PCDHA8: variants seen among roughly 807,000 people sequenced by gnomAD.
PCDHA8 encodes protocadherin alpha 8.
In PCDHA8, 53 loss-of-function variants were observed where a neutral mutation model predicts 61.8. The observed-to-expected ratio is 0.86, with a 90% confidence interval of 0.69 to 1.08. The LOEUF is 1.08. Among genes scored for constraint, PCDHA8 ranks in the 50% least tolerant of loss-of-function variants. The pLI is 0.00. For missense variants in PCDHA8, 1,293 were observed against 1,245.0 expected (o/e 1.04, Z -0.58); for synonymous variants, 618 against 556.6 (o/e 1.11, Z -1.55).
intron 1 of PCDHA8, among the ~76,000 whole-genome samples, chr5:140,958,893 A>G (rs1332305633): frequency 2.6e-5 from 4 of 152,002 alleles, no homozygotes; most frequent in African/African-American, 9.7e-5. Flanking sequence ...TAGCTATATA[A>G]TAGATACAGA....
In PCDHA8 at chr5:141,009,849, C is replaced by G; in HGVS notation, c.2765C>G (p.Thr922Ser). The change falls in exon 4 of 4, where the codon ACC (threonine) becomes AGC (serine). Residue 922 changes from threonine (T) to serine (S), a missense_variant. Physicochemically the swap from Thr to Ser is moderately conservative, Grantham distance 58. Coordinates refer to ENST00000531613, the MANE Select transcript of PCDHA8 (RefSeq NM_018911.3). ...ATAACCTTCGGCAAAAAGGAGGAGA[C>G]CAAGAAAAAGAAGAAAAAGAAGAAG... ...DFITFGKKEE[T>S]KKKKKKKKGN... 1 of 1,613,364 alleles carries G rather than the reference C, an allele frequency of 6.2e-7. No homozygotes were observed. The highest frequency in any genetic ancestry group is 8.5e-7 in the Non-Finnish European group (1 of 1,179,856).
chr5:141,003,411 G>A (rs537266386), intron 3 of PCDHA8, among the ~76,000 whole-genome samples: 4 of 152,092 alleles, frequency 2.6e-5, no homozygotes, highest in Non-Finnish European at 4.4e-5. Context: ...TCCCGGGTTC[G>A]AGTGATTCTT....
At chr5:140,900,373 G>T (rs1225159327) in intron 1 of PCDHA8, among the ~76,000 whole-genome samples, 2 of 152,118 alleles carry the variant, frequency 1.3e-5, no homozygotes, top group Non-Finnish European at 2.9e-5. Flanking sequence ...TGCCTCCTGG[G>T]TTCAAGCGAT....
chr5:140,946,611 A>AATAT (rs1554217734), intron 1 of PCDHA8, among the ~76,000 whole-genome samples: 1,089 of 86,784 alleles, frequency 0.013, 135 homozygotes, highest in African/African-American at 0.062. Flanking sequence ...GAAAATGTGA[A>AATAT]ATATATATAT....
At chr5:140,870,938 C>G in intron 1 of PCDHA8, 1 of 1,613,724 alleles carries the variant, frequency 6.2e-7, no homozygotes, top group Non-Finnish European at 8.5e-7. Flanking sequence ...GAATTGCAGC[C>G]GGCGGCGGGC....
intron 1 of PCDHA8, among the ~76,000 whole-genome samples, chr5:140,940,470 A>G (rs182796886): frequency 4.7e-5 from 7 of 149,652 alleles, no homozygotes; most frequent in African/African-American, 9.8e-5. Flanking sequence ...GTTCCCTGCA[A>G]TTTTTTTTTT....
chr5:140,846,028 T>C (rs1415683647), intron 1 of PCDHA8, among the ~76,000 whole-genome samples: 1 of 149,754 alleles, frequency 6.7e-6, no homozygotes, highest in Non-Finnish European at 1.5e-5. Flanking sequence ...ATTACGAGTT[T>C]AGGAAAGTCA....
chr5:140,885,485 T>C (rs2060611651), intron 1 of PCDHA8, among the ~76,000 whole-genome samples: 1 of 152,188 alleles, frequency 6.6e-6, no homozygotes, highest in Non-Finnish European at 1.5e-5. Context: ...GTGTCAAGTG[T>C]TCTGTTATCT....
intron 1 of PCDHA8, among the ~76,000 whole-genome samples, chr5:140,947,805 G>T (rs1474604810): frequency 6.6e-6 from 1 of 151,504 alleles, no homozygotes; most frequent in Non-Finnish European, 1.5e-5. Flanking sequence ...TTAATTTGCA[G>T]AGACTATTTC....
chr5:140,879,425 T>G (rs547741272), intron 1 of PCDHA8, among the ~76,000 whole-genome samples: 1 of 152,320 alleles, frequency 6.6e-6, no homozygotes, highest in East Asian at 1.9e-4. Flanking sequence ...GGAATGGAGA[T>G]GAACATTTAA....
At chr5:140,962,454 T>A (rs1554226040) in intron 1 of PCDHA8, among the ~76,000 whole-genome samples, 1 of 152,194 alleles carries the variant, frequency 6.6e-6, no homozygotes, top group Non-Finnish European at 1.5e-5. Flanking sequence ...TTGAATCTCT[T>A]ATGGCTTGAA....
chr5:140,876,754 C>T, intron 1 of PCDHA8: 2 of 1,614,210 alleles, frequency 1.2e-6, no homozygotes, highest in Non-Finnish European at 1.7e-6. Context: ...GGTGACTGCG[C>T]GGGATGGGGG....
At chr5:140,966,751 G>A (rs1554228608) in intron 1 of PCDHA8, 1 of 1,429,674 alleles carries the variant, frequency 7.0e-7, no homozygotes, top group Admixed American at 2.7e-5. Flanking sequence ...GGCTGCCTCC[G>A]CCGCGGCCAG....
intron 1 of PCDHA8, among the ~76,000 whole-genome samples, chr5:140,977,783 T>TATATGA (rs1488853966): frequency 1.3e-5 from 2 of 152,252 alleles, no homozygotes; most frequent in African/African-American, 4.8e-5. Context: ...TTAAAGGAAC[T>TATATGA]ATATGAATGA....
At chr5:140,942,996 C>T (rs1294135098) in intron 1 of PCDHA8, among the ~76,000 whole-genome samples, 1 of 151,798 alleles carries the variant, frequency 6.6e-6, no homozygotes, top group South Asian at 2.1e-4. Context: ...GTGGCTCATG[C>T]CTGTAATCCC....
At chr5:140,895,802 C>CTGTAT (rs1289601886) in intron 1 of PCDHA8, among the ~76,000 whole-genome samples, 86 of 152,166 alleles carry the variant, frequency 5.7e-4, no homozygotes, top group African/African-American at 1.6e-3. Context: ...ATGTACAATA[C>CTGTAT]TGTATTGTAT....
intron 1 of PCDHA8, chr5:140,858,272 G>A: frequency 6.3e-7 from 1 of 1,597,346 alleles, no homozygotes; most frequent in Non-Finnish European, 8.6e-7. Flanking sequence ...GTGCTCTAGC[G>A]CGGTGGGGAG....
intron 1 of PCDHA8, chr5:140,859,188 C>T (rs2045759773): frequency 6.7e-6 from 1 of 149,820 alleles, no homozygotes; most frequent in Non-Finnish European, 1.5e-5. Flanking sequence ...TTAGGCATTG[C>T]TTATGATATT....
In PCDHA8 at chr5:140,843,183, C is replaced by G. The variant is rs1778646285; in HGVS notation, c.1862C>G (p.Pro621Arg). ...CCAGCTGCAAGCAGCCCTCGCATCC[C>G]GTTCCGCGTGGGGCTGTACACGGGC... ...LQPAASSPRI[P>R]FRVGLYTGEI... is the part of the protein sequence containing the mutation. Residue 621 changes from proline (P) to arginine (R), a missense_variant, in exon 1 of 4, where the codon CCG becomes CGG. Coordinates refer to ENST00000531613, the MANE Select transcript of PCDHA8 (RefSeq NM_018911.3). The G allele has an allele frequency of 1.9e-6, 3 of 1,595,908 alleles. No individual in the cohort carries two copies. The highest frequency in any genetic ancestry group is 2.6e-6 in the Non-Finnish European group (3 of 1,165,602).
Sources: allele counts gnomAD v4.1 joint callset (sites outside exome capture counted in the v4.1 genomes callset), GRCh38; gene constraint gnomAD v4.1.1; transcripts MANE v1.5; gene names NCBI Gene and HGNC (gene_info 2026-07-23, HGNC 2026-07-21).